The following MYO15B variants were observed in gnomAD, a reference collection of about 807,000 sequenced individuals.
MYO15B encodes the protein myosin XVB pseudogene.
A neutral mutation model predicts 119.3 loss-of-function variants in MYO15B; 207 were observed. The observed-to-expected ratio is 1.73, with a 90% confidence interval of 1.55 to 1.95. The LOEUF (loss-of-function observed/expected upper bound fraction) is 1.95. Among genes scored for constraint, MYO15B ranks in the 30% most tolerant of loss-of-function variants. The probability of loss-of-function intolerance (pLI) is 0.00; values close to 1 mark genes in which losing one functional copy is unlikely to be tolerated. For synonymous variants in MYO15B, 966 were observed against 498.9 expected, an observed-to-expected ratio of 1.94 and a Z score of -12.48; for missense variants, 2,264 against 1,203.1, an observed-to-expected ratio of 1.88 and a Z score of -13.04.
chr17:75,613,443 C>T (rs1303384540), exon 28 of MYO15B: 2 of 681,598 alleles, frequency 2.9e-6, no homozygotes, highest in East Asian at 5.4e-5. Flanking sequence ...GGCGGGGCCG[C>T]ATGGCGCTGG....
At chr17:75,591,774 C>T (rs960288390) in intron 5 of MYO15B, 62 bp downstream of exon 5, 1 of 701,970 alleles carries the variant, frequency 1.4e-6, no homozygotes, top group East Asian at 2.7e-5. Context: ...CTCCAGGGGA[C>T]AGCTGACCAT....
chr17:75,618,739 G>A (rs1426549468), intron 43 of MYO15B, among the ~76,000 whole-genome samples: 3 of 152,122 alleles, frequency 2.0e-5, no homozygotes, highest in Admixed American at 1.3e-4. Flanking sequence ...ACAGGCTCTA[G>A]CACACAGTAG....
intron 21 of MYO15B, 127 bp downstream of exon 21, chr17:75,606,148 C>T (rs933501117): frequency 1.7e-6 from 1 of 581,890 alleles, no homozygotes; most frequent in East Asian, 2.8e-5. Context: ...AGTGCCATCT[C>T]ATCGGCATGT....
chr17:75,596,355 C>A, intron 12 of MYO15B, 105 bp from the exon 13 acceptor site: 1 of 658,098 alleles, frequency 1.5e-6, no homozygotes, highest in Non-Finnish European at 2.8e-6. Context: ...ACAGCATCAG[C>A]CCTGGGTATT....
At chr17:75,592,759 G>C (rs1003862418) in exon 9 of MYO15B, 14 of 702,418 alleles carry the variant, frequency 2.0e-5, no homozygotes, top group African/African-American at 1.9e-4. Flanking sequence ...GGCTCGGCTT[G>C]TGCCCAGAGG....
chr17:75,588,419 T>C, exon 1 of MYO15B: 1 of 398,326 alleles, frequency 2.5e-6, no homozygotes, highest in Non-Finnish European at 4.4e-6. Flanking sequence ...GGAGAAGAGC[T>C]GGGCGGCCGC....
chr17:75,602,265 C>T (rs968201912), intron 15 of MYO15B: 3 of 591,172 alleles, frequency 5.1e-6, no homozygotes, highest in Non-Finnish European at 6.1e-6. Flanking sequence ...TCTAGTCAAC[C>T]TATTGACTAG....
intron 53 of MYO15B, among the ~76,000 whole-genome samples, chr17:75,623,147 A>G (rs1485448835): frequency 6.6e-6 from 1 of 152,188 alleles, no homozygotes; most frequent in South Asian, 2.1e-4. Flanking sequence ...CCCGGCCAAC[A>G]TGGTGAAACC....
At chr17:75,610,207 A>G (rs1484481983) in exon 22 of MYO15B, 3 of 701,672 alleles carry the variant, frequency 4.3e-6, no homozygotes, top group Non-Finnish European at 7.8e-6. Flanking sequence ...GGACAGCTGA[A>G]CACCATCCTG....
In MYO15B at chr17:75,596,452, GC is replaced by G. The variant is rs952785317; in HGVS notation, c.3298-3del. On this transcript the variant is annotated splice_region_variant and splice_polypyrimidine_tract_variant and intron_variant, in intron 12 of 63. Coordinates refer to ENST00000645453, the Ensembl canonical transcript of MYO15B. ...CCATGTGCCCACCTCACTGCCACAT[GC>G]CCCCAGGCCCTGCGGGTGAATGGCC... 2.0e-5 allele frequency: 14 copies of G among 702,848 alleles called. No individual in the cohort carries two copies. Among genetic ancestry groups the G allele is most frequent in the Non-Finnish European group, 3.4e-5 (13 of 384,974 alleles). The allele number at this position is 702,848 out of a possible 1,614,324, so 43.5% of individuals were successfully genotyped here.
chr17:75,602,967 C>G, intron 17 of MYO15B, 22 bp downstream of exon 17: 1 of 698,836 alleles, frequency 1.4e-6, no homozygotes, highest in South Asian at 1.5e-5. Flanking sequence ...GCCCGCCACA[C>G]CAGACCCCAG....
chr17:75,603,951 A>C (rs1010219262), intron 19 of MYO15B, among the ~76,000 whole-genome samples: 1 of 152,240 alleles, frequency 6.6e-6, no homozygotes, highest in Non-Finnish European at 1.5e-5. Context: ...GTTGATGTCC[A>C]GCTGAGCTGG....
chr17:75,598,985 A>G (rs12452025), intron 14 of MYO15B, among the ~76,000 whole-genome samples: 50,085 of 152,058 alleles, frequency 0.33, 9,489 homozygotes, highest in East Asian at 0.56. Flanking sequence ...AATATAGGCA[A>G]GTTCCCCCAT....
exon 44 of MYO15B, chr17:75,619,212 C>G (rs769106712): frequency 1.4e-6 from 1 of 702,812 alleles, no homozygotes; most frequent in South Asian, 1.5e-5. Flanking sequence ...AATGAAAGAC[C>G]TGCTGGGTAT....
intron 35 of MYO15B, 39 bp from the exon 36 acceptor site, chr17:75,615,654 G>C (rs1182640392): frequency 1.5e-6 from 1 of 669,552 alleles, no homozygotes; most frequent in East Asian, 2.7e-5. Context: ...TCTGTGGCTC[G>C]GGGATGAGGG....
rs1037299053 is a variant in MYO15B, at chr17:75,603,461, C to T, written c.4016+149C>T. ...TCCCTCTCTCTCCTCGTCCTCTCAT[C>T]CTCTCTCTCTCTCTCTTTCTCTCTC... is the stretch of plus-strand genomic sequence containing the variant. On this transcript the variant is annotated intron_variant, in intron 19 of 63. Transcript: ENST00000645453. 2.3e-4 allele frequency: 134 copies of T among 582,686 alleles called. No homozygotes were observed. In the South Asian group the frequency reaches 2.7e-3, roughly 12 times the overall value. 36.1% of individuals were successfully genotyped at this position (582,686 alleles called of 1,614,324 possible). A position where few individuals can be genotyped will look rare whatever the true frequency, so the allele number is the denominator to read the frequency against.
Position 75,589,957 on chromosome 17 carries a change from C to T in MYO15B, c.1900C>T (p.Pro634Ser), listed in dbSNP as rs1245919084. ...GTTGGAGACCCTCAATGACGAGCCCCCGGTGCGCTGGGCGCAGGGCTCAGG... is the reference window on the plus strand; with the variant it reads ...GTTGGAGACCCTCAATGACGAGCCCTCGGTGCGCTGGGCGCAGGGCTCAGG... Residue 634 changes from proline (P) to serine (S), a missense_variant, in exon 1 of 64, where the codon CCG becomes TCG. Transcript: ENST00000645453. The surrounding 1 kb of genome is among the most constrained non-coding windows in gnomAD (Gnocchi z 4.2). The T allele has an allele frequency of 1.3e-5, 5 of 398,620 alleles. No individual in the cohort carries two copies. In the East Asian group the frequency reaches 1.4e-4, roughly 11 times the overall value. 24.7% of individuals were successfully genotyped at this position (398,620 alleles called of 1,614,324 possible).
exon 48 of MYO15B, chr17:75,620,252 G>A (rs920376050): frequency 4.7e-5 from 33 of 702,712 alleles, no homozygotes; most frequent in African/African-American, 1.0e-4. Flanking sequence ...ACAGGACTCC[G>A]GCTATGTCAT....
chr17:75,614,253 A>T (rs992637257), exon 30 of MYO15B: 1 of 702,460 alleles, frequency 1.4e-6, no homozygotes, highest in Non-Finnish European at 2.6e-6. Flanking sequence ...CCAGGGACGC[A>T]TGGCAGGACT....
Sources: allele counts gnomAD v4.1 joint callset (sites outside exome capture counted in the v4.1 genomes callset), GRCh38; gene constraint gnomAD v4.1.1; non-coding constraint Gnocchi (gnomAD v3.1); transcripts MANE v1.5; gene names NCBI Gene and HGNC (gene_info 2026-07-23, HGNC 2026-07-21).